Variants in ARHGAP32 observed in about 807,000 individuals in gnomAD.
The protein encoded by ARHGAP32 is Rho GTPase activating protein 32, also known as rho GTPase-activating protein 32.
Under a neutral mutation model 186.5 loss-of-function variants are expected in ARHGAP32, and 51 were observed. The observed-to-expected ratio is 0.27, with a 90% CI of 0.22 to 0.35. The LOEUF is 0.35. Ranked by LOEUF, ARHGAP32 falls within the 10% of genes least tolerant of loss-of-function variation. The pLI is 1.00. For missense variants in ARHGAP32, 2,186 were observed against 2,623.5 expected (o/e 0.83, Z 3.64); for synonymous variants, 950 against 964.3 (o/e 0.99, Z 0.27).
At chr11:129,238,374 G>A (rs1944965135) in intron 1 of ARHGAP32, among the ~76,000 whole-genome samples, 1 of 152,014 alleles carries the variant, frequency 6.6e-6, no homozygotes, top group African/African-American at 2.4e-5. Flanking sequence ...TCATGACCCA[G>A]TCAGAGAAAA....
intron 1 of ARHGAP32, among the ~76,000 whole-genome samples, chr11:129,227,620 G>A (rs1944803942): frequency 6.6e-6 from 1 of 151,968 alleles, no homozygotes; most frequent in African/African-American, 2.4e-5. Flanking sequence ...AGATGAAAAT[G>A]GCTACACTAA....
At chr11:129,129,367 G>A (rs1942753944) in intron 2 of ARHGAP32, among the ~76,000 whole-genome samples, 1 of 151,820 alleles carries the variant, frequency 6.6e-6, no homozygotes, top group South Asian at 2.1e-4. Flanking sequence ...CCCCGTCTGG[G>A]AAGTGAGGAG....
At chr11:128,983,011 G>C (rs1425825704) in intron 15 of ARHGAP32, among the ~76,000 whole-genome samples, 5 of 151,534 alleles carry the variant, frequency 3.3e-5, no homozygotes, top group South Asian at 2.1e-4. Flanking sequence ...CAAAGATTCA[G>C]ATGGGCCTAA....
chr11:129,252,113 C>CA (rs2135692710), intron 1 of ARHGAP32, among the ~76,000 whole-genome samples: 1 of 151,784 alleles, frequency 6.6e-6, no homozygotes, highest in Non-Finnish European at 1.5e-5. Flanking sequence ...AGTTTTAGAC[C>CA]AATTCTAAAT....
At chr11:129,101,987 A>G (rs1323926428) in intron 5 of ARHGAP32, among the ~76,000 whole-genome samples, 1 of 152,256 alleles carries the variant, frequency 6.6e-6, no homozygotes, top group Non-Finnish European at 1.5e-5. Context: ...AGGGAAGCCC[A>G]TCAGACTAAC....
At chr11:129,249,909 A>T (rs556709839) in intron 1 of ARHGAP32, among the ~76,000 whole-genome samples, 21 of 152,216 alleles carry the variant, frequency 1.4e-4, no homozygotes, top group Non-Finnish European at 2.6e-4. Context: ...ATGTCAATTA[A>T]TGTTCCCCTT....
chr11:129,127,591 T>G (rs927302796), intron 2 of ARHGAP32, among the ~76,000 whole-genome samples: 1 of 117,922 alleles, frequency 8.5e-6, no homozygotes, highest in African/African-American at 3.8e-5. Context: ...TACTGTACTA[T>G]TATTCAATCA....
rs1476185203 is a variant in ARHGAP32, at chr11:128,965,117, G to A, written c.*3790C>T. 6.6e-6 allele frequency: 1 copy of A among 151,996 alleles called. No homozygotes were observed. Among genetic ancestry groups the A allele is most frequent in the Non-Finnish European group, 1.5e-5 (1 of 68,002 alleles). The allele number at this position is 151,996 out of a possible 1,614,324, so 9.4% of individuals were successfully genotyped here. A position where few individuals can be genotyped will look rare whatever the true frequency, so the allele number is the denominator to read the frequency against. Reference sequence around the variant, plus strand: ...TTGAATCACTTTCAGTGGGACATTTGCTTTAAACCACAAGATATCTCCATC... The same window carrying A: ...TTGAATCACTTTCAGTGGGACATTTACTTTAAACCACAAGATATCTCCATC... On this transcript the variant is annotated 3_prime_UTR_variant, in exon 23 of 23. Transcript: ENST00000682385.
At chr11:128,986,190 G>T in intron 14 of ARHGAP32, 105 bp from the exon 15 acceptor site, 1 of 869,144 alleles carries the variant, frequency 1.2e-6, no homozygotes, top group Non-Finnish European at 1.8e-6. Context: ...TTTGCTCTTG[G>T]ATGTGAAATG....
intron 7 of ARHGAP32, 33 bp downstream of exon 7, chr11:129,066,698 A>AT: frequency 6.3e-7 from 1 of 1,599,574 alleles, no homozygotes; most frequent in East Asian, 2.2e-5. Flanking sequence ...ATATATAGTG[A>AT]TTACCTCTGT....
At chr11:129,126,726 T>C (rs1490275250) in intron 2 of ARHGAP32, among the ~76,000 whole-genome samples, 1 of 152,112 alleles carries the variant, frequency 6.6e-6, no homozygotes, top group African/African-American at 2.4e-5. Context: ...AAGAATTGAG[T>C]GAACAATATA....
intron 5 of ARHGAP32, among the ~76,000 whole-genome samples, chr11:129,116,906 TTA>T (rs1942383143): frequency 6.6e-6 from 1 of 152,028 alleles, no homozygotes. Context: ...TGCACAATTA[TTA>T]TGTCATTTAA....
intron 11 of ARHGAP32, among the ~76,000 whole-genome samples, chr11:129,012,719 G>A (rs1938142417): frequency 6.6e-6 from 1 of 152,094 alleles, no homozygotes; most frequent in African/African-American, 2.4e-5. Flanking sequence ...GAAAGAAAGG[G>A]AAAAAGTGAC....
intron 2 of ARHGAP32, among the ~76,000 whole-genome samples, chr11:129,152,508 C>T (rs939867070): frequency 6.6e-6 from 1 of 152,054 alleles, no homozygotes; most frequent in Non-Finnish European, 1.5e-5. Flanking sequence ...CTAACCAAAT[C>T]CAAAAGAATA....
intron 1 of ARHGAP32, among the ~76,000 whole-genome samples, chr11:129,185,468 G>A (rs1436019996): frequency 1.3e-5 from 2 of 152,170 alleles, no homozygotes; most frequent in African/African-American, 4.8e-5. Flanking sequence ...GAGGGGAGAG[G>A]AGAGGGATAG....
At chr11:129,249,313 TCATA>T (rs1460501924) in intron 1 of ARHGAP32, among the ~76,000 whole-genome samples, 3 of 151,898 alleles carry the variant, frequency 2.0e-5, no homozygotes, top group Admixed American at 1.3e-4. Context: ...AAAGTAATAC[TCATA>T]CATATATATA....
intron 1 of ARHGAP32, among the ~76,000 whole-genome samples, chr11:129,246,411 T>C (rs927347791): frequency 3.3e-5 from 5 of 152,170 alleles, no homozygotes; most frequent in Non-Finnish European, 5.9e-5. Flanking sequence ...CTTTGGGTCA[T>C]CAAATTCAAA....
intron 1 of ARHGAP32, among the ~76,000 whole-genome samples, chr11:129,243,657 G>A (rs1274192599): frequency 1.3e-5 from 2 of 152,036 alleles, no homozygotes; most frequent in Non-Finnish European, 2.9e-5. Flanking sequence ...CCAATATGAG[G>A]ACTCTTTGTC....
intron 1 of ARHGAP32, among the ~76,000 whole-genome samples, chr11:129,235,584 A>G (rs1944918367): frequency 6.6e-6 from 1 of 152,132 alleles, no homozygotes; most frequent in Non-Finnish European, 1.5e-5. Context: ...ATATAAGAGA[A>G]AACAGGTGGC....
Sources: allele counts gnomAD v4.1 joint callset (sites outside exome capture counted in the v4.1 genomes callset), GRCh38; gene constraint gnomAD v4.1.1; transcripts MANE v1.5; gene names NCBI Gene and HGNC (gene_info 2026-07-23, HGNC 2026-07-21).